The following IDI1 variants were observed in gnomAD, a reference collection of about 807,000 sequenced individuals.
The protein encoded by IDI1 is isopentenyl-diphosphate Delta-isomerase 1.
A neutral mutation model predicts 32.9 loss-of-function variants in IDI1; 23 were observed. The ratio of observed to expected loss-of-function variants is 0.70; its 90% CI spans 0.50 to 0.99. IDI1 has a LOEUF of 0.99. Ranked by LOEUF, IDI1 falls within the 50% of genes least tolerant of loss-of-function variation. The pLI is 0.00. For synonymous variants in IDI1, 133 were observed against 128.2 expected (o/e 1.04, Z -0.25); for missense variants, 326 against 351.9 (o/e 0.93, Z 0.59).
intron 1 of IDI1, chr10:1,048,258 G>T: frequency 6.1e-6 from 8 of 1,304,096 alleles, no homozygotes; most frequent in Non-Finnish European, 8.1e-6. Flanking sequence ...TGCGTTTAAA[G>T]AATACCATGT....
chr10:1,051,172 C>T (rs76620943), upstream of IDI1, among the ~76,000 whole-genome samples: 10,554 of 152,292 alleles, frequency 0.069, 483 homozygotes, highest in East Asian at 0.13. Flanking sequence ...TTAAACAGAT[C>T]TTCCAAATGC....
chr10:1,041,352 A>AT lies in IDI1; in HGVS notation c.689dup (p.Tyr230Ter), dbSNP rs747703603. 3 of 1,613,838 alleles carry AT rather than the reference A, an allele frequency of 1.9e-6. No individual in the cohort carries two copies. The African/African-American group carries it at 4.0e-5, about 22-fold the overall frequency. Residue 230 changes from tyrosine (Y) to a stop codon, truncating the protein, a stop_gained and frameshift_variant, in exon 5 of 5, where the codon TAT (tyrosine) becomes TAAT (stop). Coordinates refer to ENST00000381344, the MANE Select transcript of IDI1 (RefSeq NM_004508.4). LOFTEE classifies it high-confidence loss of function. ...GTTCTTTTAGTTCTTCCTTTGACAC[A>AT]TAACAATAGCTTTTAATCTCATTGG... Reference protein sequence around the residue: ...PDPNEIKSYCYVSKEELKELL... With the variant: ...PDPNEIKSYC
upstream of IDI1, chr10:1,049,449 G>C (rs1437643052): frequency 1.2e-5 from 2 of 160,072 alleles, no homozygotes; most frequent in East Asian, 3.8e-4. Context: ...ACTGCTGACT[G>C]GCTGGTTGGG....
chr10:1,049,862 A>G (rs748377821), upstream of IDI1, among the ~76,000 whole-genome samples: 1 of 152,152 alleles, frequency 6.6e-6, no homozygotes. Flanking sequence ...CATGTTGGTC[A>G]GGCTGGTCTG....
rs908548897 is a variant in IDI1, at chr10:1,041,252, T to A, written c.790A>T (p.Lys264Ter). 6.2e-7 allele frequency: 1 copy of A among 1,613,232 alleles called. No homozygotes were observed. The highest frequency in any genetic ancestry group is 8.5e-7 in the Non-Finnish European group (1 of 1,179,412). ...FKIIAATFLF[K>*]WWDNLNHLNQ... ...AAATGATTTAAGTTATCCCACCATT[T>A]AAAGAGAAAAGTCGCTGCAATAATT... The change falls in exon 5 of 5, where the codon AAA (lysine) becomes TAA (stop). Residue 264 changes from lysine (K) to a stop codon, truncating the protein, a stop_gained. Transcript: ENST00000381344. LOFTEE classifies it high-confidence loss of function.
intron 4 of IDI1, among the ~76,000 whole-genome samples, chr10:1,041,820 T>C (rs534707770): frequency 1.3e-5 from 2 of 151,706 alleles, no homozygotes; most frequent in East Asian, 3.9e-4. Context: ...TTTTTTTTTT[T>C]TTTGTGAGAC....
At position 1,044,621 on chromosome 10, in the gene IDI1, A is replaced by G. The variant is rs191067083; in HGVS notation, c.141-450T>C. 1.8e-4 allele frequency among the ~76,000 whole-genome samples: 27 copies of G among 152,326 alleles called. No homozygotes were observed. In the East Asian group the frequency reaches 5.2e-3, roughly 29 times the overall value. ...CTGCATAGTTGCTCAAGATTGCCAC[A>G]GGCCAATCTTGGTTGAAATCCATTT... On this transcript the variant is annotated intron_variant, in intron 1 of 4. Coordinates refer to ENST00000381344, the MANE Select transcript of IDI1 (RefSeq NM_004508.4).
upstream of IDI1, among the ~76,000 whole-genome samples, chr10:1,052,018 G>A (rs1310490986): frequency 6.6e-6 from 1 of 152,264 alleles, no homozygotes; most frequent in East Asian, 1.9e-4. Flanking sequence ...CACTATGGGC[G>A]TGTGCCACCA....
chr10:1,048,264 C>G, intron 1 of IDI1: 1 of 1,304,126 alleles, frequency 7.7e-7, no homozygotes, highest in African/African-American at 1.5e-5. Context: ...TAAAGAATAC[C>G]ATGTAGTAGA....
rs907193132 is a variant in IDI1 at position 1,040,127 on chromosome 10, T to C, written c.*1060A>G. 6.6e-6 allele frequency: 1 copy of C among 152,228 alleles called. No homozygotes were observed. Among genetic ancestry groups the C allele is most frequent in the African/African-American group, 2.4e-5 (1 of 41,456 alleles). 9.4% of individuals were successfully genotyped at this position (152,228 alleles called of 1,614,324 possible). On this transcript the variant is annotated 3_prime_UTR_variant, in exon 5 of 5. Transcript: ENST00000381344. ...TCAAATCTGAGATATCTATGGCAAG[T>C]TTATAAAAAGTACATTGATCAAGGT...
chr10:1,050,518 TATTCTA>T (rs1395213433), upstream of IDI1, among the ~76,000 whole-genome samples: 1 of 152,182 alleles, frequency 6.6e-6, no homozygotes, highest in African/African-American at 2.4e-5. Context: ...AAGGCCAAAG[TATTCTA>T]ATATTAAACA....
intron 1 of IDI1, among the ~76,000 whole-genome samples, chr10:1,047,966 G>A (rs1832845866): frequency 6.6e-6 from 1 of 152,190 alleles, no homozygotes; most frequent in Non-Finnish European, 1.5e-5. Flanking sequence ...TATATTAGGT[G>A]ATCACTAAGA....
At chr10:1,043,534 G>A (rs1263074854) in intron 2 of IDI1, 141 bp from the exon 3 acceptor site, 1 of 711,640 alleles carries the variant, frequency 1.4e-6, no homozygotes, top group Admixed American at 2.0e-5. Flanking sequence ...CATAGTCTCT[G>A]CATGGCTATG....
chr10:1,044,199 G>C, intron 1 of IDI1, 28 bp from the exon 2 acceptor site: 1 of 1,554,020 alleles, frequency 6.4e-7, no homozygotes, highest in Non-Finnish European at 8.8e-7. Flanking sequence ...GAGAAAGAAA[G>C]GCCATCATAT....
the IDI1 span, among the ~76,000 whole-genome samples, chr10:1,056,196 C>G: frequency 6.6e-6 from 1 of 152,204 alleles, no homozygotes; most frequent in Non-Finnish European, 1.5e-5. Context: ...TCTAGGTGGG[C>G]TTCAAATGCG....
intron 1 of IDI1, among the ~76,000 whole-genome samples, chr10:1,047,870 C>G (rs1402990874): frequency 1.3e-5 from 2 of 152,134 alleles, no homozygotes. Flanking sequence ...ATGTTCAGTA[C>G]AGATGAAATT....
At chr10:1,048,514 G>A (rs973249610) in intron 1 of IDI1, 1 of 1,262,070 alleles carries the variant, frequency 7.9e-7, no homozygotes, top group Non-Finnish European at 1.0e-6. Context: ...TCTCTAAGGG[G>A]AGACTCGCAA....
At chr10:1,043,561 C>T (rs1182843801) in intron 2 of IDI1, 168 bp from the exon 3 acceptor site, 2 of 699,058 alleles carry the variant, frequency 2.9e-6, no homozygotes, top group South Asian at 1.5e-5. Flanking sequence ...AAGAGCTCTG[C>T]ACTGGGCAAG....
Position 1,048,902 on chromosome 10 carries a change from A to C in IDI1, c.102T>G (p.His34Gln). Residue 34 changes from histidine (H) to glutamine (Q), a missense_variant, in exon 1 of 5, where the codon CAT (histidine) becomes CAG (glutamine). His to Gln is a conservative substitution (Grantham distance 24). Around this residue, in one of 2 missense-constraint regions of IDI1, gnomAD observed 121 missense variants for 78.4 expected, o/e 1.54. Coordinates refer to ENST00000381344, the MANE Select transcript of IDI1 (RefSeq NM_004508.4). ...RAADCAQSGR[H>Q]PGPAVVCGRR... ...GGCCACAGACAACCGCCGGTCCCGG[A>C]TGGCGCCCGCTTTGAGCACAGTCTG... 6.2e-7 allele frequency: 1 copy of C among 1,606,576 alleles called. No homozygotes were observed. Among genetic ancestry groups the C allele is most frequent in the Non-Finnish European group, 8.5e-7 (1 of 1,177,824 alleles).
Sources: allele counts gnomAD v4.1 joint callset (sites outside exome capture counted in the v4.1 genomes callset), GRCh38; gene constraint gnomAD v4.1.1; regional missense constraint gnomAD v4.1.1; transcripts MANE v1.5; gene names NCBI Gene and HGNC (gene_info 2026-07-23, HGNC 2026-07-21).